The following PIWIL2 variants were observed in gnomAD, a reference collection of about 807,000 sequenced individuals.
PIWIL2 encodes the protein piwi-like protein 2.
PIWIL2 carries 81 observed loss-of-function variants against 116.5 expected under a neutral mutation model. That is an observed-to-expected ratio of 0.70 (90% CI 0.58 to 0.84). The LOEUF (loss-of-function observed/expected upper bound fraction) is 0.84. Among genes scored for constraint, PIWIL2 ranks in the 40% least tolerant of loss-of-function variants. PIWIL2 has a pLI of 0.00. For missense variants in PIWIL2, 1,272 were observed against 1,212.3 expected (o/e 1.05, Z -0.73); for synonymous variants, 489 against 429.5 (o/e 1.14, Z -1.71).
Position 22,354,317 on chromosome 8 carries a change from A to G in PIWIL2, c.2704A>G (p.Ile902Val). 1 of 1,613,834 alleles carries G rather than the reference A, an allele frequency of 6.2e-7. No individual in the cohort carries two copies. Among genetic ancestry groups the G allele is most frequent in the Non-Finnish European group, 8.5e-7 (1 of 1,179,788 alleles). ...CCATCATGTACGGCAGGGCTGTGGC[A>G]TTCCTACGCATTATGTCTGTGTTCT... Reference protein sequence around the residue: ...LAHHVRQGCGIPTHYVCVLNT... With the variant: ...LAHHVRQGCGVPTHYVCVLNT... Residue 902 changes from isoleucine (I) to valine (V), a missense_variant, in exon 22 of 23, where the codon ATT (isoleucine) becomes GTT (valine). Ile to Val is a conservative substitution (Grantham distance 29, BLOSUM62 3). Coordinates refer to ENST00000356766, the MANE Select transcript of PIWIL2 (RefSeq NM_018068.5).
At chr8:22,339,758 AAAG>A (rs1482606319) in intron 20 of PIWIL2, among the ~76,000 whole-genome samples, 6 of 152,378 alleles carry the variant, frequency 3.9e-5, no homozygotes, top group African/African-American at 1.4e-4. Context: ...CAGAATATGC[AAAG>A]AAGTCTTACA....
At chr8:22,281,007 T>A in intron 2 of PIWIL2, 113 bp from the exon 3 acceptor site, 1 of 637,214 alleles carries the variant, frequency 1.6e-6, no homozygotes, top group Non-Finnish European at 2.8e-6. Flanking sequence ...CCCTTTATTC[T>A]TATAACATGT....
At chr8:22,283,291 G>A in intron 5 of PIWIL2, 51 bp downstream of exon 5, 1 of 1,428,938 alleles carries the variant, frequency 7.0e-7, no homozygotes, top group East Asian at 2.3e-5. Flanking sequence ...TGAAAACTCT[G>A]CATTTTGGCT....
intron 20 of PIWIL2, among the ~76,000 whole-genome samples, chr8:22,344,506 A>G (rs1832181069): frequency 6.6e-6 from 1 of 152,202 alleles, no homozygotes; most frequent in Non-Finnish European, 1.5e-5. Flanking sequence ...CCTCTAAAAA[A>G]TAGTCTCTTA....
chr8:22,344,141 T>C (rs1295656360), intron 20 of PIWIL2, among the ~76,000 whole-genome samples: 1 of 152,202 alleles, frequency 6.6e-6, no homozygotes, highest in Admixed American at 6.5e-5. Flanking sequence ...CTTTATATGA[T>C]TCTAACTGTA....
intron 15 of PIWIL2, 149 bp downstream of exon 15, chr8:22,310,223 A>T: frequency 1.8e-6 from 1 of 570,058 alleles, no homozygotes; most frequent in Non-Finnish European, 3.1e-6. Context: ...GGATCCTTCA[A>T]ACAGAGCAGT....
chr8:22,337,987 G>T (rs904085132), intron 20 of PIWIL2, among the ~76,000 whole-genome samples: 2 of 151,984 alleles, frequency 1.3e-5, no homozygotes, highest in African/African-American at 4.8e-5. Context: ...CCAACTACTC[G>T]GGAGGCTGAG....
intron 20 of PIWIL2, among the ~76,000 whole-genome samples, chr8:22,350,658 T>C (rs969419335): frequency 6.6e-6 from 1 of 152,098 alleles, no homozygotes; most frequent in Non-Finnish European, 1.5e-5. Context: ...ATGAATTACA[T>C]ACTTGTAAAT....
chr8:22,326,929 C>T (rs1586582096), intron 20 of PIWIL2, among the ~76,000 whole-genome samples: 1 of 152,154 alleles, frequency 6.6e-6, no homozygotes, highest in African/African-American at 2.4e-5. Context: ...CTGTTTTGCC[C>T]AGTGGCCAAG....
intron 20 of PIWIL2, among the ~76,000 whole-genome samples, chr8:22,342,566 A>G (rs745907973): frequency 6.6e-6 from 1 of 152,238 alleles, no homozygotes; most frequent in Non-Finnish European, 1.5e-5. Context: ...ACAAGTGGCC[A>G]CCTGCATGCA....
chr8:22,318,353 T>C, intron 20 of PIWIL2, 78 bp downstream of exon 20: 2 of 795,632 alleles, frequency 2.5e-6, no homozygotes, highest in South Asian at 3.3e-5. Context: ...GTCTCACTCT[T>C]GTCGCCCAGG....
intron 10 of PIWIL2, among the ~76,000 whole-genome samples, chr8:22,301,630 T>A (rs1328892085): frequency 1.3e-5 from 2 of 152,244 alleles, no homozygotes; most frequent in Non-Finnish European, 2.9e-5. Flanking sequence ...TTTTTAATTC[T>A]GATGAAGTAG....
intron 20 of PIWIL2, among the ~76,000 whole-genome samples, chr8:22,320,933 A>G (rs1831583537): frequency 6.6e-6 from 1 of 152,124 alleles, no homozygotes; most frequent in South Asian, 2.1e-4. Flanking sequence ...CTGCAAGCAC[A>G]GGGACTGTCT....
chr8:22,345,914 A>G (rs1363238570), intron 20 of PIWIL2, among the ~76,000 whole-genome samples: 1 of 152,214 alleles, frequency 6.6e-6, no homozygotes, highest in African/African-American at 2.4e-5. Context: ...AGTAGGTTCT[A>G]GGAGTCAAAG....
chr8:22,324,675 C>A (rs1831681984), intron 20 of PIWIL2, among the ~76,000 whole-genome samples: 2 of 152,114 alleles, frequency 1.3e-5, no homozygotes, highest in Non-Finnish European at 2.9e-5. Flanking sequence ...AGATGAAGTC[C>A]CAATCCCCAG....
intron 20 of PIWIL2, among the ~76,000 whole-genome samples, chr8:22,337,657 G>A (rs1051192684): frequency 6.6e-6 from 1 of 151,936 alleles, no homozygotes; most frequent in African/African-American, 2.4e-5. Context: ...TTGTACCTGG[G>A]AGGCGGAGGT....
In PIWIL2 at chr8:22,355,625, CCCTGTAGAAT is replaced by C. The variant is rs1832472840; in HGVS notation, c.*121_*130del. On this transcript the variant is annotated 3_prime_UTR_variant, in exon 23 of 23. Transcript: ENST00000356766. ...GTGTTATAATTTTCCCTTTCTCCAA[CCCTGTAGAAT>C]AAGATTTCTTTCTTGTCTTTTAAAC... 1 of 824,948 alleles carries C rather than the reference CCCTGTAGAAT, an allele frequency of 1.2e-6. No homozygotes were observed. Among genetic ancestry groups the C allele is most frequent in the Non-Finnish European group, 1.9e-6 (1 of 532,698 alleles). The allele number at this position is 824,948 out of a possible 1,614,324, so 51.1% of individuals were successfully genotyped here.
intron 19 of PIWIL2, among the ~76,000 whole-genome samples, chr8:22,317,843 A>G (rs997557647): frequency 6.6e-6 from 1 of 151,918 alleles, no homozygotes; most frequent in African/African-American, 2.4e-5. Context: ...TTGTACTTTT[A>G]GTAGAGACGG....
At chr8:22,286,623 A>G (rs946425796) in intron 6 of PIWIL2, among the ~76,000 whole-genome samples, 1 of 151,890 alleles carries the variant, frequency 6.6e-6, no homozygotes, top group South Asian at 2.1e-4. Context: ...AAAAAATTTT[A>G]TTTATTTATT....
Sources: gnomAD v4.1 joint callset for allele counts (sites outside exome capture counted in the v4.1 genomes callset) on GRCh38, gnomAD v4.1.1 for gene constraint, MANE v1.5 for transcripts, NCBI Gene and HGNC (gene_info 2026-07-23, HGNC 2026-07-21) for gene names.